Variants in TENM3 observed in about 807,000 individuals in gnomAD.
TENM3 encodes the protein teneurin transmembrane protein 3.
TENM3 carries 63 observed loss-of-function variants against 255.1 expected under a neutral mutation model. The ratio of observed to expected loss-of-function variants is 0.25; its 90% CI spans 0.20 to 0.30. The LOEUF is 0.30. Among genes scored for constraint, TENM3 ranks in the 10% least tolerant of loss-of-function variants. The pLI, the probability that TENM3 is intolerant of heterozygous loss-of-function variation, is 1.00. For synonymous variants in TENM3, 1,306 were observed against 1,322.3 expected, an observed-to-expected ratio of 0.99 and a Z score of 0.27; for missense variants, 2,929 against 3,461.1, an observed-to-expected ratio of 0.85 and a Z score of 3.86.
intron 3 of TENM3, among the ~76,000 whole-genome samples, chr4:182,588,817 C>G (rs902411476): frequency 3.3e-5 from 5 of 152,102 alleles, no homozygotes; most frequent in African/African-American, 9.7e-5. Flanking sequence ...ACAAGATAAA[C>G]TACTTTAACT....
chr4:181,887,419 A>C, the TENM3 span, among the ~76,000 whole-genome samples: 1 of 152,228 alleles, frequency 6.6e-6, no homozygotes, highest in Non-Finnish European at 1.5e-5. Context: ...TAGGAAAGTA[A>C]TGATACCTTT....
intron 3 of TENM3, among the ~76,000 whole-genome samples, chr4:182,448,292 C>T (rs1773099581): frequency 6.6e-6 from 1 of 152,192 alleles, no homozygotes; most frequent in Non-Finnish European, 1.5e-5. Flanking sequence ...GCGGGCTGAG[C>T]TGGTCCCTGC....
At chr4:181,902,200 A>AAAC in the TENM3 span, among the ~76,000 whole-genome samples, 23 of 147,330 alleles carry the variant, frequency 1.6e-4, no homozygotes, top group Middle Eastern at 3.5e-3. Flanking sequence ...AAAAAAAAAA[A>AAAC]CCCTATTAAA....
chr4:182,265,530 A>C (rs917873982), intron 1 of TENM3, among the ~76,000 whole-genome samples: 31 of 152,038 alleles, frequency 2.0e-4, no homozygotes, highest in African/African-American at 7.0e-4. Context: ...CAGCACCCTT[A>C]ATTTTGGGGA....
chr4:182,368,960 C>G (rs1272532928), intron 3 of TENM3, among the ~76,000 whole-genome samples: 1 of 152,188 alleles, frequency 6.6e-6, no homozygotes, highest in African/African-American at 2.4e-5. Flanking sequence ...CCAACCAATG[C>G]TGGTTCTGCG....
the TENM3 span, among the ~76,000 whole-genome samples, chr4:181,854,892 G>A: frequency 3.3e-5 from 5 of 152,154 alleles, no homozygotes; most frequent in Non-Finnish European, 5.9e-5. Context: ...TACAGAGTAC[G>A]CGTTAGCTAG....
the TENM3 span, among the ~76,000 whole-genome samples, chr4:181,523,360 T>A: frequency 6.6e-6 from 1 of 152,122 alleles, no homozygotes; most frequent in African/African-American, 2.4e-5. Flanking sequence ...CCTTTCTATT[T>A]ACTTGAGTCT....
At chr4:182,049,983 T>A in the TENM3 span, among the ~76,000 whole-genome samples, 1 of 132,982 alleles carries the variant, frequency 7.5e-6, no homozygotes, top group Non-Finnish European at 1.7e-5. Flanking sequence ...AATATGTATT[T>A]TTTTTAATTA....
At chr4:181,919,322 G>C in the TENM3 span, among the ~76,000 whole-genome samples, 1 of 151,816 alleles carries the variant, frequency 6.6e-6, no homozygotes, top group South Asian at 2.1e-4. Flanking sequence ...GAGCTGAGCT[G>C]GGAGTGAGCT....
At chr4:182,732,690 G>A (rs1197597109) in intron 16 of TENM3, among the ~76,000 whole-genome samples, 1 of 152,074 alleles carries the variant, frequency 6.6e-6, no homozygotes. Context: ...AGCCAGGCGT[G>A]GTGGCATGCA....
intron 3 of TENM3, among the ~76,000 whole-genome samples, chr4:182,397,839 A>C (rs931343115): frequency 3.3e-5 from 5 of 152,050 alleles, no homozygotes; most frequent in Admixed American, 6.6e-5. Flanking sequence ...TGGTCTGGGG[A>C]CCATACTATG....
the TENM3 span, among the ~76,000 whole-genome samples, chr4:181,468,404 G>A: frequency 2.6e-5 from 4 of 152,076 alleles, no homozygotes; most frequent in African/African-American, 4.8e-5. Context: ...TATTGCAAAT[G>A]TGCTTCAATT....
the TENM3 span, among the ~76,000 whole-genome samples, chr4:181,501,522 C>T: frequency 6.6e-6 from 1 of 151,902 alleles, no homozygotes; most frequent in African/African-American, 2.4e-5. Context: ...GGATTACAGG[C>T]ACCCGCCACC....
At chr4:181,770,024 C>G in the TENM3 span, among the ~76,000 whole-genome samples, 1 of 152,080 alleles carries the variant, frequency 6.6e-6, no homozygotes, top group Admixed American at 6.5e-5. Context: ...CATTGGAACC[C>G]TTTGTGGCTG....
chr4:182,005,039 G>A, the TENM3 span, among the ~76,000 whole-genome samples: 2 of 152,176 alleles, frequency 1.3e-5, no homozygotes, highest in South Asian at 4.1e-4. Context: ...TCTGATGACA[G>A]ATTCTTTTGC....
intron 3 of TENM3, among the ~76,000 whole-genome samples, chr4:182,461,511 G>A (rs557007476): frequency 1.3e-5 from 2 of 152,166 alleles, no homozygotes; most frequent in Admixed American, 6.6e-5. Flanking sequence ...GTACCTTTGA[G>A]ATCCCTGGGA....
At chr4:182,140,993 C>CA (rs1273051256), upstream of TENM3, among the ~76,000 whole-genome samples, 2 of 149,660 alleles carry the variant, frequency 1.3e-5, no homozygotes, top group African/African-American at 4.9e-5. Context: ...ATATCCCTCC[C>CA]CCCCGCCCCC....
chr4:182,167,546 C>CTAG (rs1215906886), intron 1 of TENM3, among the ~76,000 whole-genome samples: 1 of 152,012 alleles, frequency 6.6e-6, no homozygotes, highest in Non-Finnish European at 1.5e-5. Flanking sequence ...TTGTGTAGAC[C>CTAG]TGAGTCTTAA....
At chr4:182,451,758 A>G (rs1773478487) in intron 3 of TENM3, among the ~76,000 whole-genome samples, 1 of 152,234 alleles carries the variant, frequency 6.6e-6, no homozygotes. Flanking sequence ...AGATTTAACA[A>G]GACTCATTCA....
Sources: allele counts gnomAD v4.1 joint callset (sites outside exome capture counted in the v4.1 genomes callset), GRCh38; gene constraint gnomAD v4.1.1; transcripts MANE v1.5; gene names NCBI Gene and HGNC (gene_info 2026-07-23, HGNC 2026-07-21).